The following ADK variants were observed in gnomAD, a reference collection of about 807,000 sequenced individuals.
ADK encodes the protein adenosine kinase.
ADK carries 24 observed loss-of-function variants against 44.7 expected under a neutral mutation model. The observed-to-expected ratio is 0.54, with a 90% CI of 0.39 to 0.76. ADK has a LOEUF of 0.76. Among genes scored for constraint, ADK ranks in the 30% least tolerant of loss-of-function variants. The pLI, the probability that ADK is intolerant of heterozygous loss-of-function variation, is 0.00. For synonymous variants in ADK, 128 were observed against 142.6 expected (o/e 0.90, Z 0.73); for missense variants, 321 against 425.1 (o/e 0.76, Z 2.15).
intron 4 of ADK, among the ~76,000 whole-genome samples, chr10:74,362,424 CTT>C (rs531454584): frequency 7.8e-4 from 118 of 151,244 alleles, no homozygotes; most frequent in African/African-American, 2.7e-3. Context: ...ATTTGAGTCT[CTT>C]ATATTTCTTT....
intron 9 of ADK, among the ~76,000 whole-genome samples, chr10:74,640,081 G>A (rs1470119348): frequency 1.3e-5 from 2 of 152,216 alleles, no homozygotes; most frequent in Non-Finnish European, 2.9e-5. Context: ...GGTTTTATTA[G>A]TACAGTGATG....
intron 9 of ADK, among the ~76,000 whole-genome samples, chr10:74,661,079 G>A (rs1854706851): frequency 2.0e-5 from 3 of 152,014 alleles, no homozygotes; most frequent in South Asian, 4.2e-4. Flanking sequence ...TTACCAGATT[G>A]TAAATGGCAA....
chr10:74,544,528 T>G (rs993263701), intron 7 of ADK, among the ~76,000 whole-genome samples: 1 of 152,192 alleles, frequency 6.6e-6, no homozygotes, highest in Non-Finnish European at 1.5e-5. Flanking sequence ...CAGAATCATG[T>G]GATATAATCA....
rs191152730 is a variant in ADK, at chr10:74,455,761, G to A, written c.555+57182G>A. Among the ~76,000 whole-genome samples the A allele has an allele frequency of 1.3e-4, 20 of 152,062 alleles. No homozygotes were observed. In the East Asian group the frequency reaches 2.3e-3, roughly 18 times the overall value. The stretch of plus-strand genomic sequence containing the variant: ...TTGACCTCGTGATCCTCCCGCCCTC[G>A]GCCTCCCAAAGTGCTAGGATTACAG... On this transcript the variant is annotated intron_variant, in intron 6 of 10. Transcript: ENST00000539909.
chr10:74,489,461 T>C (rs1401456894), intron 6 of ADK, among the ~76,000 whole-genome samples: 1 of 152,004 alleles, frequency 6.6e-6, no homozygotes, highest in Non-Finnish European at 1.5e-5. Context: ...GCATGTAGTA[T>C]ACACAGTGGA....
At chr10:74,290,272 T>G (rs1847360286) in intron 3 of ADK, among the ~76,000 whole-genome samples, 3 of 152,194 alleles carry the variant, frequency 2.0e-5, no homozygotes, top group Non-Finnish European at 4.4e-5. Context: ...CTTACTGTGT[T>G]TATAATTATC....
Position 74,640,924 on chromosome 10 carries a change from C to T in ADK, c.878-29259C>T, listed in dbSNP as rs527599340. Among the ~76,000 whole-genome samples the T allele has an allele frequency of 2.6e-5, 4 of 152,152 alleles. No homozygotes were observed. The East Asian group carries it at 5.8e-4, about 22-fold the overall frequency. ...TCTCTCAGACTTTTTATTTTTAAAG[C>T]GTAGGCAAATATAAAATATTATTTC... On this transcript the variant is annotated intron_variant, in intron 9 of 10. Transcript: ENST00000539909.
chr10:74,323,675 A>C (rs1435192817), intron 4 of ADK, among the ~76,000 whole-genome samples: 1 of 150,020 alleles, frequency 6.7e-6, no homozygotes, highest in South Asian at 2.1e-4. Flanking sequence ...GGGTCACACC[A>C]TTCTCCTGCC....
At chr10:74,235,190 A>AT (rs113407499) in intron 3 of ADK, among the ~76,000 whole-genome samples, 1,969 of 110,132 alleles carry the variant, frequency 0.018, 16 homozygotes, top group Non-Finnish European at 0.025. Flanking sequence ...TTCATAAGGG[A>AT]TTTTTTTTTT....
intron 4 of ADK, among the ~76,000 whole-genome samples, chr10:74,333,721 GAA>G (rs985793120): frequency 6.6e-6 from 1 of 151,842 alleles, no homozygotes; most frequent in Non-Finnish European, 1.5e-5. Context: ...ACTGTTGTAA[GAA>G]AAAAAGATTT....
chr10:74,284,466 G>A (rs796718982), intron 3 of ADK, among the ~76,000 whole-genome samples: 5 of 152,240 alleles, frequency 3.3e-5, no homozygotes, highest in African/African-American at 7.2e-5. Flanking sequence ...GTTTCTCCAC[G>A]TTGGTCAGGC....
chr10:74,342,559 A>G (rs1198100389), intron 4 of ADK, among the ~76,000 whole-genome samples: 1 of 152,152 alleles, frequency 6.6e-6, no homozygotes, highest in East Asian at 1.9e-4. Flanking sequence ...TGCAGCCACA[A>G]TCTCCTAGGC....
chr10:74,432,751 T>C (rs1266500726), intron 6 of ADK, among the ~76,000 whole-genome samples: 1 of 152,218 alleles, frequency 6.6e-6, no homozygotes, highest in East Asian at 1.9e-4. Flanking sequence ...TGAGTACTTA[T>C]ATATACATTT....
intron 7 of ADK, among the ~76,000 whole-genome samples, chr10:74,559,388 C>CTTA (rs1177333351): frequency 6.6e-6 from 1 of 152,230 alleles, no homozygotes; most frequent in Non-Finnish European, 1.5e-5. Flanking sequence ...GTAGTACAAA[C>CTTA]TTATCTATCT....
chr10:74,163,140 GTATT>G (rs1841949882), intron 1 of ADK, among the ~76,000 whole-genome samples: 1 of 151,886 alleles, frequency 6.6e-6, no homozygotes, highest in Non-Finnish European at 1.5e-5. Flanking sequence ...CTAATTTTTT[GTATT>G]TTTAGTAGAG....
At chr10:74,503,288 A>G (rs964197243) in intron 6 of ADK, among the ~76,000 whole-genome samples, 1 of 152,220 alleles carries the variant, frequency 6.6e-6, no homozygotes, top group African/African-American at 2.4e-5. Flanking sequence ...AGCAAAGGAA[A>G]GGATATAGAA....
chr10:74,567,916 G>T (rs1215802201), intron 7 of ADK, among the ~76,000 whole-genome samples: 5 of 151,862 alleles, frequency 3.3e-5, no homozygotes, highest in Non-Finnish European at 5.9e-5. Context: ...AGCCAGGATG[G>T]TCTCAATCTC....
intron 9 of ADK, among the ~76,000 whole-genome samples, chr10:74,602,105 C>CAAAAAAAAAAA (rs58400071): frequency 2.0e-5 from 1 of 48,788 alleles, no homozygotes. Context: ...ACCCTGTCTC[C>CAAAAAAAAAAA]AAAAAAAAAA....
At chr10:74,316,823 C>G (rs1032791898) in intron 4 of ADK, among the ~76,000 whole-genome samples, 1 of 152,114 alleles carries the variant, frequency 6.6e-6, no homozygotes, top group East Asian at 1.9e-4. Flanking sequence ...TAATTAAGTT[C>G]TCCCTCAGCT....
Sources: allele counts gnomAD v4.1 joint callset (sites outside exome capture counted in the v4.1 genomes callset), GRCh38; gene constraint gnomAD v4.1.1; transcripts MANE v1.5; gene names NCBI Gene and HGNC (gene_info 2026-07-23, HGNC 2026-07-21).